Variants in PLD5 observed in about 807,000 individuals in gnomAD.
The protein encoded by PLD5 is phospholipase D family member 5, also known as inactive phospholipase D5.
Under a neutral mutation model 61.1 loss-of-function variants are expected in PLD5, and 36 were observed. The ratio of observed to expected loss-of-function variants is 0.59; its 90% CI spans 0.45 to 0.78. The LOEUF is 0.78. Ranked by LOEUF, PLD5 falls within the 30% of genes least tolerant of loss-of-function variation. The pLI, the probability that PLD5 is intolerant of heterozygous loss-of-function variation, is 0.00. For synonymous variants in PLD5, 243 were observed against 242.8 expected, an observed-to-expected ratio of 1.00 and a Z score of -0.01; for missense variants, 515 against 644.4, an observed-to-expected ratio of 0.80 and a Z score of 2.17.
chr1:242,327,489 T>G (rs1391761550), intron 2 of PLD5, among the ~76,000 whole-genome samples: 2 of 152,214 alleles, frequency 1.3e-5, no homozygotes, highest in African/African-American at 4.8e-5. Context: ...CAGAACAATG[T>G]GCTGAACAGC....
chr1:242,525,206 C>A (rs111889745), upstream of PLD5, among the ~76,000 whole-genome samples: 83 of 152,338 alleles, frequency 5.4e-4, no homozygotes, highest in African/African-American at 1.9e-3. Context: ...ACGCTACTTT[C>A]ATCCGATGGT....
intron 2 of PLD5, among the ~76,000 whole-genome samples, chr1:242,310,171 G>A (rs911987557): frequency 2.6e-5 from 4 of 152,146 alleles, no homozygotes; most frequent in Non-Finnish European, 5.9e-5. Context: ...TCAAGACTTA[G>A]AGGGTGCATT....
intron 2 of PLD5, among the ~76,000 whole-genome samples, chr1:242,304,159 T>C (rs948893082): frequency 6.6e-6 from 1 of 152,190 alleles, no homozygotes. Context: ...TTAGAAAAGT[T>C]GTATACCATT....
chr1:242,112,307 GT>G lies in PLD5; in HGVS notation c.1070+1582del, dbSNP rs1661574210. ...ACTGTGTGTGTGTGTGTGTGTGTGT[GT>G]GTGTGTGTGTGTGTGTATGTATGTA... is the stretch of plus-strand genomic sequence containing the variant. On this transcript the variant is annotated intron_variant, in intron 7 of 9. Transcript: ENST00000536534. Among the ~76,000 whole-genome samples the G allele has an allele frequency of 7.6e-4, 52 of 68,056 alleles. 1 individual carries two copies. The highest frequency in any genetic ancestry group is 5.5e-3 in the Admixed American group (35 of 6,356). 44.6% of individuals were successfully genotyped at this position (68,056 alleles called of 152,430 possible). A position where few individuals can be genotyped will look rare whatever the true frequency, so the allele number is the denominator to read the frequency against.
intron 5 of PLD5, among the ~76,000 whole-genome samples, chr1:242,177,243 T>C (rs182689935): frequency 4.0e-4 from 61 of 152,218 alleles, no homozygotes; most frequent in African/African-American, 1.4e-3. Context: ...CCATAAAAAA[T>C]GATGAGTTCA....
At chr1:242,517,321 T>G (rs1441728799) in intron 1 of PLD5, among the ~76,000 whole-genome samples, 3 of 152,212 alleles carry the variant, frequency 2.0e-5, no homozygotes, top group Non-Finnish European at 4.4e-5. Flanking sequence ...CTGTGATTCT[T>G]TTTAAAGAAA....
chr1:242,207,736 T>TTTTATATATA (rs1481175575), intron 5 of PLD5, among the ~76,000 whole-genome samples: 74 of 97,114 alleles, frequency 7.6e-4, no homozygotes, highest in African/African-American at 2.1e-3. Context: ...GAAATCGATG[T>TTTTATATATA]TTTATATATA....
upstream of PLD5, among the ~76,000 whole-genome samples, chr1:242,528,844 C>T (rs1202940279): frequency 1.3e-5 from 2 of 152,182 alleles, no homozygotes; most frequent in East Asian, 3.8e-4. Context: ...CAAATATATA[C>T]TTCTTAGCAA....
chr1:242,278,886 A>G (rs1228669254), intron 3 of PLD5, among the ~76,000 whole-genome samples: 2 of 152,222 alleles, frequency 1.3e-5, no homozygotes, highest in Non-Finnish European at 2.9e-5. Context: ...TCTGTGGAGC[A>G]GGGAATAGAT....
intron 4 of PLD5, among the ~76,000 whole-genome samples, chr1:242,225,826 G>A (rs555306063): frequency 1.3e-5 from 2 of 152,220 alleles, no homozygotes; most frequent in African/African-American, 4.8e-5. Context: ...GACAAATAAA[G>A]CTGCCGCAAA....
At chr1:242,105,455 C>A (rs1660977047) in intron 8 of PLD5, among the ~76,000 whole-genome samples, 1 of 152,170 alleles carries the variant, frequency 6.6e-6, no homozygotes, top group Admixed American at 6.5e-5. Context: ...AACTCCTGGC[C>A]TCAAGTGATT....
intron 4 of PLD5, among the ~76,000 whole-genome samples, chr1:242,250,796 T>C (rs900905381): frequency 3.3e-5 from 5 of 152,244 alleles, no homozygotes; most frequent in Non-Finnish European, 5.9e-5. Flanking sequence ...ATAGTTAACA[T>C]TGGAGTCAGG....
At chr1:242,487,677 A>C (rs944055188) in intron 1 of PLD5, among the ~76,000 whole-genome samples, 1 of 152,126 alleles carries the variant, frequency 6.6e-6, no homozygotes, top group African/African-American at 2.4e-5. Flanking sequence ...TACACTAAGA[A>C]CTCCTAAAAC....
chr1:242,163,395 G>C lies in PLD5; in HGVS notation c.736-38730C>G, dbSNP rs371473742. 1.3e-3 allele frequency among the ~76,000 whole-genome samples: 193 copies of C among 151,776 alleles called. 1 individual carries two copies. The highest frequency in any genetic ancestry group is 4.5e-3 in the African/African-American group (186 of 41,310). On this transcript the variant is annotated intron_variant, in intron 5 of 9. Coordinates refer to ENST00000536534, the MANE Select transcript of PLD5 (RefSeq NM_001372062.1). ...CCTGACCTCGTGATCCAGCTGCCTC[G>C]GCCTCCCAAAGTGCTGGGATTACAG...
In PLD5 at chr1:242,182,028, G is replaced by T. The variant is rs555750123; in HGVS notation, c.735+37960C>A. Among the ~76,000 whole-genome samples the T allele has an allele frequency of 2.0e-5, 3 of 152,242 alleles. No homozygotes were observed. The South Asian group carries it at 6.2e-4, about 32-fold the overall frequency. The stretch of plus-strand genomic sequence containing the variant: ...ACCCACAGTCTATACAATCTTCTTT[G>T]CCAATGTACATATAGTTGCTTCCCT... On this transcript the variant is annotated intron_variant, in intron 5 of 9. Coordinates refer to ENST00000536534, the MANE Select transcript of PLD5 (RefSeq NM_001372062.1).
chr1:242,211,345 C>A (rs4428869), intron 5 of PLD5, among the ~76,000 whole-genome samples: 1 of 151,938 alleles, frequency 6.6e-6, no homozygotes, highest in Non-Finnish European at 1.5e-5. Flanking sequence ...TAGCTTGGGA[C>A]GCAGATACAA....
intron 2 of PLD5, among the ~76,000 whole-genome samples, chr1:242,335,604 G>A (rs1017374165): frequency 3.3e-5 from 5 of 152,154 alleles, no homozygotes; most frequent in African/African-American, 1.2e-4. Flanking sequence ...GCTACATCTA[G>A]CCAAATGATT....
upstream of PLD5, among the ~76,000 whole-genome samples, chr1:242,527,007 CA>C (rs1669461215): frequency 6.7e-6 from 1 of 149,700 alleles, no homozygotes; most frequent in South Asian, 2.1e-4. Context: ...AGAATTTAAA[CA>C]AATGGTTTCC....
At chr1:242,425,381 C>T (rs1201102738) in intron 1 of PLD5, among the ~76,000 whole-genome samples, 1 of 152,040 alleles carries the variant, frequency 6.6e-6, no homozygotes, top group African/African-American at 2.4e-5. Context: ...TGTATCTAAA[C>T]AAAGAAATAG....
Sources: allele counts gnomAD v4.1 joint callset (sites outside exome capture counted in the v4.1 genomes callset), GRCh38; gene constraint gnomAD v4.1.1; transcripts MANE v1.5; gene names NCBI Gene and HGNC (gene_info 2026-07-23, HGNC 2026-07-21).